NCKAP5: variants seen among roughly 807,000 people sequenced by gnomAD.
NCKAP5 encodes NCK associated protein 5, also known as nck-associated protein 5.
In NCKAP5, 92 loss-of-function variants were observed where a neutral mutation model predicts 167.0. The observed-to-expected ratio is 0.55, with a 90% CI of 0.47 to 0.66. The LOEUF (loss-of-function observed/expected upper bound fraction) is 0.66, where lower values mean the gene tolerates loss of function less well. Among genes scored for constraint, NCKAP5 ranks in the 30% least tolerant of loss-of-function variants. The probability of loss-of-function intolerance (pLI) is 0.00; values close to 1 mark genes in which losing one functional copy is unlikely to be tolerated. For missense variants in NCKAP5, 2,378 were observed against 2,315.0 expected (o/e 1.03, Z -0.56); for synonymous variants, 891 against 877.4 (o/e 1.02, Z -0.27).
At chr2:133,392,300 G>A (rs1170029402) in intron 3 of NCKAP5, among the ~76,000 whole-genome samples, 1 of 152,094 alleles carries the variant, frequency 6.6e-6, no homozygotes, top group Non-Finnish European at 1.5e-5. Flanking sequence ...GTAAATTAAG[G>A]TTTATAGCCT....
At chr2:133,528,320 G>T in intron 2 of NCKAP5, among the ~76,000 whole-genome samples, 1 of 100,168 alleles carries the variant, frequency 1.0e-5, no homozygotes. Context: ...TTCAATTACT[G>T]GGCCTTTTTT....
chr2:133,245,612 TG>T (rs2087938434), intron 4 of NCKAP5, among the ~76,000 whole-genome samples: 1 of 152,172 alleles, frequency 6.6e-6, no homozygotes, highest in Non-Finnish European at 1.5e-5. Flanking sequence ...CTCTTCCGTA[TG>T]TATGTTACAC....
the NCKAP5 span, among the ~76,000 whole-genome samples, chr2:133,628,606 A>G: frequency 1.3e-5 from 2 of 152,218 alleles, no homozygotes; most frequent in South Asian, 2.1e-4. Context: ...TTAAACTACC[A>G]TTGACATTCT....
chr2:132,786,012 A>C (rs1306877884), intron 13 of NCKAP5, among the ~76,000 whole-genome samples: 6 of 152,254 alleles, frequency 3.9e-5, no homozygotes, highest in Non-Finnish European at 7.3e-5. Context: ...CTGTATGTCA[A>C]GGGAGAAAAT....
intron 4 of NCKAP5, among the ~76,000 whole-genome samples, chr2:133,242,341 T>C (rs2087757292): frequency 1.3e-5 from 2 of 151,914 alleles, no homozygotes; most frequent in East Asian, 1.9e-4. Flanking sequence ...GAAAGACAGA[T>C]AGCCTTGTCT....
At chr2:133,333,611 A>T (rs777480581) in intron 3 of NCKAP5, among the ~76,000 whole-genome samples, 4 of 152,166 alleles carry the variant, frequency 2.6e-5, no homozygotes, top group Admixed American at 2.0e-4. Flanking sequence ...TAGAATTGAG[A>T]GTGGTGACAA....
chr2:132,790,841 T>C (rs895756374), intron 12 of NCKAP5, among the ~76,000 whole-genome samples: 1 of 152,206 alleles, frequency 6.6e-6, no homozygotes, highest in Non-Finnish European at 1.5e-5. Flanking sequence ...CTCTAGTAGG[T>C]GCTCAATTAT....
chr2:132,738,124 A>T (rs1558991890), intron 16 of NCKAP5, among the ~76,000 whole-genome samples: 1 of 152,138 alleles, frequency 6.6e-6, no homozygotes, highest in East Asian at 1.9e-4. Flanking sequence ...CAAAGCAAAC[A>T]ACTGACTCCC....
intron 16 of NCKAP5, among the ~76,000 whole-genome samples, chr2:132,743,795 G>A (rs1406832826): frequency 6.6e-6 from 1 of 151,470 alleles, no homozygotes; most frequent in Admixed American, 6.6e-5. Flanking sequence ...ATATGCTGTA[G>A]ATAAAACATT....
At chr2:132,887,679 C>G (rs1692359774) in intron 8 of NCKAP5, among the ~76,000 whole-genome samples, 1 of 152,134 alleles carries the variant, frequency 6.6e-6, no homozygotes, top group Non-Finnish European at 1.5e-5. Context: ...TGACTATTGG[C>G]TCTGTCACCC....
chr2:132,926,262 T>C (rs191052431), intron 8 of NCKAP5: 41 of 253,682 alleles, frequency 1.6e-4, no homozygotes, highest in Middle Eastern at 4.5e-4. Context: ...ATTGTGTGTA[T>C]ATACCACGTT....
At position 132,801,581 on chromosome 2, in the gene NCKAP5, T is replaced by G. The variant is rs76381698; in HGVS notation, c.808-4852A>C. Reference sequence around the variant, plus strand: ...TACACAAGGGCAGGGGTTAGGGGATTGTGTGAAGAGCTAAGATGTATCACA... The same window carrying G: ...TACACAAGGGCAGGGGTTAGGGGATGGTGTGAAGAGCTAAGATGTATCACA... On this transcript the variant is annotated intron_variant, in intron 11 of 19. Transcript: ENST00000409261. 4.5e-3 allele frequency among the ~76,000 whole-genome samples: 687 copies of G among 152,286 alleles called. 6 individuals carry two copies. The highest frequency in any genetic ancestry group is 0.016 in the African/African-American group (661 of 41,562).
At chr2:132,744,659 C>G (rs1026895794) in intron 16 of NCKAP5, among the ~76,000 whole-genome samples, 3 of 148,910 alleles carry the variant, frequency 2.0e-5, no homozygotes, top group Non-Finnish European at 4.5e-5. Context: ...ATTTAAAAAT[C>G]AATGAAACAA....
chr2:133,477,096 T>C (rs1191726839), intron 3 of NCKAP5, among the ~76,000 whole-genome samples: 1 of 152,218 alleles, frequency 6.6e-6, no homozygotes, highest in Non-Finnish European at 1.5e-5. Context: ...TACTCCCTTA[T>C]GGAGAAACTT....
intron 3 of NCKAP5, among the ~76,000 whole-genome samples, chr2:133,467,941 T>C (rs1319815615): frequency 1.6e-5 from 2 of 128,276 alleles, no homozygotes; most frequent in Non-Finnish European, 3.2e-5. Context: ...ATCAATTTTG[T>C]TGATCCTTTC....
chr2:133,389,218 T>C (rs567232641), intron 3 of NCKAP5, among the ~76,000 whole-genome samples: 35 of 152,344 alleles, frequency 2.3e-4, no homozygotes, highest in African/African-American at 8.4e-4. Flanking sequence ...AAGTTGCTTG[T>C]TGGCTATTTC....
chr2:133,174,215 T>C (rs1306915320), intron 5 of NCKAP5, among the ~76,000 whole-genome samples: 5 of 152,164 alleles, frequency 3.3e-5, no homozygotes, highest in African/African-American at 1.2e-4. Context: ...TTTGGGTTTT[T>C]CTGATGTTTC....
chr2:132,831,156 G>C (rs1171913622), intron 11 of NCKAP5, among the ~76,000 whole-genome samples: 1 of 152,290 alleles, frequency 6.6e-6, no homozygotes, highest in East Asian at 1.9e-4. Context: ...ACCGCATGGT[G>C]CTCCATCACA....
At chr2:132,773,746 A>C (rs979754283) in intron 16 of NCKAP5, 70 bp downstream of exon 16, 54 of 1,237,014 alleles carry the variant, frequency 4.4e-5, no homozygotes, top group Non-Finnish European at 5.9e-5. Flanking sequence ...CTAGGAATGT[A>C]CCATATCTGG....
Sources: gnomAD v4.1 joint callset for allele counts (sites outside exome capture counted in the v4.1 genomes callset) on GRCh38, gnomAD v4.1.1 for gene constraint, MANE v1.5 for transcripts, NCBI Gene and HGNC (gene_info 2026-07-23, HGNC 2026-07-21) for gene names.